Variants in KCNH1 observed in about 807,000 individuals in gnomAD.
The protein encoded by KCNH1 is potassium voltage-gated channel subfamily H member 1, also known as voltage-gated delayed rectifier potassium channel KCNH1.
A neutral mutation model predicts 69.2 loss-of-function variants in KCNH1; 27 were observed. The observed-to-expected ratio is 0.39, with a 90% CI of 0.29 to 0.54. The LOEUF is 0.54. Ranked by LOEUF, KCNH1 falls within the 20% of genes least tolerant of loss-of-function variation. KCNH1 has a pLI of 0.68. For missense variants in KCNH1, 798 were observed against 1,261.6 expected (o/e 0.63, Z 5.57); for synonymous variants, 456 against 487.7 (o/e 0.93, Z 0.86).
intron 9 of KCNH1, among the ~76,000 whole-genome samples, chr1:210,788,346 T>A (rs141215472): frequency 1.2e-4 from 18 of 152,344 alleles, no homozygotes; most frequent in African/African-American, 4.3e-4. Context: ...TTATCCCACT[T>A]AAAGTTATAT....
intron 1 of KCNH1, among the ~76,000 whole-genome samples, chr1:211,109,326 G>T (rs200133268): frequency 6.6e-6 from 1 of 152,208 alleles, no homozygotes; most frequent in African/African-American, 2.4e-5. Flanking sequence ...GACTGGGAAG[G>T]ATCTGGAATG....
chr1:211,055,794 T>C (rs1163533651), intron 5 of KCNH1, among the ~76,000 whole-genome samples: 1 of 152,172 alleles, frequency 6.6e-6, no homozygotes, highest in African/African-American at 2.4e-5. Flanking sequence ...TGGACAACAC[T>C]TCTAGACACA....
In KCNH1 at chr1:210,792,894, C is replaced by T. The variant is rs1684236432; in HGVS notation, c.1915+4614G>A. 1.3e-5 allele frequency among the ~76,000 whole-genome samples: 2 copies of T among 152,096 alleles called. 1 individual carries two copies. The highest frequency in any genetic ancestry group is 4.1e-4 in the South Asian group (2 of 4,830). On this transcript the variant is annotated intron_variant, in intron 9 of 10. Coordinates refer to ENST00000271751, the MANE Select transcript of KCNH1 (RefSeq NM_172362.3). The stretch of plus-strand genomic sequence containing the variant: ...GCACAGCCCTGATGCTAGTCCATGA[C>T]TCATCTATGTTGGTGAGTCACACAG...
chr1:210,770,517 A>C (rs968474820), intron 10 of KCNH1, among the ~76,000 whole-genome samples: 1 of 152,246 alleles, frequency 6.6e-6, no homozygotes, highest in Admixed American at 6.5e-5. Context: ...CATAGTCCTT[A>C]GACTCAAAGC....
At chr1:211,083,973 T>C (rs530845841) in intron 4 of KCNH1, among the ~76,000 whole-genome samples, 25 of 152,310 alleles carry the variant, frequency 1.6e-4, no homozygotes, top group African/African-American at 6.0e-4. Context: ...GTCAATATAA[T>C]AAGAATAGCA....
intron 7 of KCNH1, among the ~76,000 whole-genome samples, chr1:210,828,929 T>A (rs192378908): frequency 6.6e-6 from 1 of 152,210 alleles, no homozygotes; most frequent in Non-Finnish European, 1.5e-5. Context: ...ATTACTGAAG[T>A]ATAGCATAAG....
At chr1:211,087,183 A>G (rs926253854) in intron 4 of KCNH1, among the ~76,000 whole-genome samples, 1 of 152,202 alleles carries the variant, frequency 6.6e-6, no homozygotes, top group African/African-American at 2.4e-5. Flanking sequence ...TTCATCCTTC[A>G]ATATTCTACA....
chr1:210,835,202 A>G (rs1685256262), intron 7 of KCNH1, among the ~76,000 whole-genome samples: 1 of 152,220 alleles, frequency 6.6e-6, no homozygotes, highest in South Asian at 2.1e-4. Flanking sequence ...GGTAGGCACA[A>G]ACAAGGTAAG....
intron 6 of KCNH1, among the ~76,000 whole-genome samples, chr1:210,969,494 TATTTTA>T (rs916399569): frequency 5.3e-5 from 8 of 152,252 alleles, no homozygotes; most frequent in African/African-American, 1.9e-4. Flanking sequence ...GTTTTTCTAT[TATTTTA>T]ATTGAGTCGT....
chr1:210,849,236 T>C (rs1685628351), intron 7 of KCNH1, among the ~76,000 whole-genome samples: 1 of 152,192 alleles, frequency 6.6e-6, no homozygotes. Context: ...GAATTCCCTC[T>C]AAGAATTTCT....
intron 5 of KCNH1, 134 bp downstream of exon 5, chr1:211,082,646 T>G: frequency 1.4e-6 from 1 of 711,592 alleles, no homozygotes; most frequent in Non-Finnish European, 2.5e-6. Context: ...CTGTGGTGTG[T>G]AAGCCCAGCC....
At chr1:211,081,908 T>C (rs1391190974) in intron 5 of KCNH1, among the ~76,000 whole-genome samples, 1 of 152,154 alleles carries the variant, frequency 6.6e-6, no homozygotes, top group Non-Finnish European at 1.5e-5. Flanking sequence ...ATGGCACATG[T>C]ATACCTATGT....
intron 10 of KCNH1, among the ~76,000 whole-genome samples, chr1:210,685,268 G>A (rs1277104662): frequency 6.6e-6 from 1 of 152,206 alleles, no homozygotes; most frequent in Admixed American, 6.5e-5. Context: ...CCTGCAATAG[G>A]TTGTCTTTTT....
chr1:211,023,160 A>AATT (rs1558571767), intron 5 of KCNH1, among the ~76,000 whole-genome samples: 54 of 100,556 alleles, frequency 5.4e-4, no homozygotes, highest in Non-Finnish European at 7.0e-4. Context: ...ATAAATAAAT[A>AATT]AATTAAAAAT....
chr1:210,977,037 C>A (rs1009248303), intron 6 of KCNH1, among the ~76,000 whole-genome samples: 1 of 152,130 alleles, frequency 6.6e-6, no homozygotes, highest in Non-Finnish European at 1.5e-5. Context: ...TTCACAATAG[C>A]AAAGACTTGG....
intron 7 of KCNH1, chr1:210,862,348 T>G (rs907259881): frequency 5.8e-6 from 4 of 689,352 alleles, no homozygotes; most frequent in Admixed American, 2.1e-5. Context: ...CACTACTCAC[T>G]GCACACATGG....
At chr1:210,750,881 C>T (rs1558454253) in intron 10 of KCNH1, among the ~76,000 whole-genome samples, 1 of 152,194 alleles carries the variant, frequency 6.6e-6, no homozygotes, top group East Asian at 1.9e-4. Flanking sequence ...CTAATGTTCT[C>T]ATTTTACAAT....
chr1:210,775,439 C>T lies in KCNH1; in HGVS notation c.2021G>A (p.Arg674Gln), dbSNP rs374450450. ...TTCCAGCACTTTCTGCAGGGCATCC[C>T]GCTTGATCACATGCAGATCACAGTA... ...LTYCDLHVIK[R>Q]DALQKVLEFY... The change falls in exon 10 of 11, where the codon CGG (arginine) becomes CAG (glutamine). Residue 674 changes from arginine (R) to glutamine (Q), a missense_variant. Transcript: ENST00000271751. The T allele has an allele frequency of 1.9e-5, 30 of 1,613,942 alleles. No homozygotes were observed. The highest frequency in any genetic ancestry group is 1.2e-4 in the African/African-American group (9 of 74,890).
At chr1:210,797,812 C>T in intron 8 of KCNH1, 52 bp from the exon 9 acceptor site, 2 of 1,574,488 alleles carry the variant, frequency 1.3e-6, no homozygotes, top group Non-Finnish European at 1.7e-6. Context: ...TGGCCTTCAG[C>T]CCACATCCTT....
Sources: allele counts gnomAD v4.1 joint callset (sites outside exome capture counted in the v4.1 genomes callset), GRCh38; gene constraint gnomAD v4.1.1; transcripts MANE v1.5; gene names NCBI Gene and HGNC (gene_info 2026-07-23, HGNC 2026-07-21).